The following RIC1 variants were observed in gnomAD, a reference collection of about 807,000 sequenced individuals.
RIC1 encodes the protein guanine nucleotide exchange factor subunit RIC1.
A neutral mutation model predicts 169.0 loss-of-function variants in RIC1; 88 were observed. That is an observed-to-expected ratio of 0.52 (90% confidence interval 0.44 to 0.62). The LOEUF is 0.62. Among genes scored for constraint, RIC1 ranks in the 20% least tolerant of loss-of-function variants. The pLI, the probability that RIC1 is intolerant of heterozygous loss-of-function variation, is 0.00. For missense variants in RIC1, 1,877 were observed against 1,725.5 expected (o/e 1.09, Z -1.56); for synonymous variants, 790 against 601.5 (o/e 1.31, Z -4.59).
At chr9:5,762,475 G>C (rs892604411) in intron 17 of RIC1, 66 bp from the exon 18 acceptor site, 3 of 1,575,018 alleles carry the variant, frequency 1.9e-6, no homozygotes, top group Non-Finnish European at 2.6e-6. Flanking sequence ...CTTATGGATT[G>C]GGGGGAGATG....
At chr9:5,718,497 A>C (rs138955610) in intron 4 of RIC1, among the ~76,000 whole-genome samples, 326 of 152,330 alleles carry the variant, frequency 2.1e-3, no homozygotes, top group African/African-American at 7.7e-3. Context: ...AAGCTAATCT[A>C]TAATCAGAGA....
At chr9:5,699,804 G>C (rs961698632) in intron 3 of RIC1, among the ~76,000 whole-genome samples, 2 of 152,096 alleles carry the variant, frequency 1.3e-5, no homozygotes, top group Non-Finnish European at 2.9e-5. Context: ...TTCATATACA[G>C]TATTAAAATT....
chr9:5,736,110 A>G (rs1420894662), intron 7 of RIC1, among the ~76,000 whole-genome samples: 1 of 152,248 alleles, frequency 6.6e-6, no homozygotes, highest in Non-Finnish European at 1.5e-5. Flanking sequence ...TCTTATATTT[A>G]AAACATGGAC....
intron 1 of RIC1, among the ~76,000 whole-genome samples, chr9:5,648,062 A>G (rs980734263): frequency 3.3e-5 from 5 of 150,258 alleles, no homozygotes; most frequent in Admixed American, 6.6e-5. Context: ...GGCTTACTGC[A>G]ACCGCCACCT....
At position 5,658,245 on chromosome 9, in the gene RIC1, T is replaced by C. The variant is rs1586893818; in HGVS notation, c.252+1555T>C. The stretch of plus-strand genomic sequence containing the variant: ...TATTGAATTAGATGGCAAAATATTG[T>C]ATTTATTATTCAATGGCACTATAGC... On this transcript the variant is annotated intron_variant, in intron 2 of 25. Coordinates refer to ENST00000414202, the MANE Select transcript of RIC1 (RefSeq NM_020829.4). Among the ~76,000 whole-genome samples, 6 of 152,290 alleles carry C rather than the reference T, an allele frequency of 3.9e-5. No homozygotes were observed. In the South Asian group the frequency reaches 1.2e-3, roughly 32 times the overall value.
intron 8 of RIC1, among the ~76,000 whole-genome samples, chr9:5,742,135 G>C (rs1563942326): frequency 6.6e-6 from 1 of 152,096 alleles, no homozygotes; most frequent in Non-Finnish European, 1.5e-5. Flanking sequence ...TTTCCTACAT[G>C]GCAGAGGCTT....
chr9:5,746,091 T>C lies in RIC1; in HGVS notation c.1248+8T>C. 1.9e-6 allele frequency: 3 copies of C among 1,597,726 alleles called. No homozygotes were observed. Among genetic ancestry groups the C allele is most frequent in the Non-Finnish European group, 2.6e-6 (3 of 1,168,428 alleles). ...ACTGTAAACCCTTGTATGGTAAGTA[T>C]ATTTAAAGCTCTGATTTTTTAGTGT... On this transcript the variant is annotated splice_region_variant and intron_variant, in intron 11 of 25. Transcript: ENST00000414202.
intron 7 of RIC1, among the ~76,000 whole-genome samples, chr9:5,733,239 C>G (rs1824480541): frequency 6.6e-6 from 1 of 151,090 alleles, no homozygotes; most frequent in Non-Finnish European, 1.5e-5. Flanking sequence ...GCCATATCAT[C>G]ACCACCCAAT....
At chr9:5,660,873 A>G (rs1020937897) in intron 2 of RIC1, among the ~76,000 whole-genome samples, 2 of 151,902 alleles carry the variant, frequency 1.3e-5, no homozygotes, top group Non-Finnish European at 2.9e-5. Context: ...CCATTTGTCA[A>G]TTTTTGCTTT....
intron 10 of RIC1, among the ~76,000 whole-genome samples, chr9:5,745,174 A>C (rs1338647687): frequency 6.6e-6 from 1 of 152,180 alleles, no homozygotes; most frequent in Non-Finnish European, 1.5e-5. Context: ...TAAGAATCTA[A>C]GCATTATTAG....
intron 15 of RIC1, 104 bp from the exon 16 acceptor site, chr9:5,756,104 TAAAA>T (rs370435478): frequency 2.7e-4 from 125 of 466,444 alleles, no homozygotes; most frequent in South Asian, 9.4e-4. Context: ...CTCCTGTTAC[TAAAA>T]AAAAAAAAAA....
intron 1 of RIC1, among the ~76,000 whole-genome samples, chr9:5,630,746 A>G (rs1455081299): frequency 6.6e-6 from 1 of 152,214 alleles, no homozygotes; most frequent in Non-Finnish European, 1.5e-5. Flanking sequence ...TTGAATATAT[A>G]TGTATGTATG....
At chr9:5,696,849 T>C (rs1227584079) in intron 3 of RIC1, among the ~76,000 whole-genome samples, 1 of 152,164 alleles carries the variant, frequency 6.6e-6, no homozygotes, top group South Asian at 2.1e-4. Context: ...GAAGGTTGTT[T>C]TGGGTGGCAG....
chr9:5,717,670 C>T (rs1481605199), intron 4 of RIC1, among the ~76,000 whole-genome samples: 1 of 151,982 alleles, frequency 6.6e-6, no homozygotes, highest in Admixed American at 6.5e-5. Context: ...CATGGTGAAA[C>T]CTTGTCTCTA....
intron 1 of RIC1, among the ~76,000 whole-genome samples, chr9:5,650,684 AC>A (rs1818756150): frequency 6.6e-6 from 1 of 151,990 alleles, no homozygotes; most frequent in Admixed American, 6.5e-5. Context: ...AGATGGGGTT[AC>A]TGTCAGTGGC....
intron 2 of RIC1, among the ~76,000 whole-genome samples, chr9:5,661,473 A>G (rs983698005): frequency 1.3e-5 from 2 of 152,170 alleles, no homozygotes; most frequent in African/African-American, 4.8e-5. Context: ...TGAACATGGA[A>G]TGTTTTTCCA....
intron 8 of RIC1, among the ~76,000 whole-genome samples, chr9:5,741,703 T>C (rs1239991337): frequency 4.6e-5 from 7 of 152,212 alleles, no homozygotes; most frequent in Non-Finnish European, 1.0e-4. Context: ...TTTATTTTCA[T>C]TGGCTATAAA....
intron 6 of RIC1, among the ~76,000 whole-genome samples, chr9:5,731,317 C>T (rs1824359604): frequency 6.6e-6 from 1 of 152,024 alleles, no homozygotes; most frequent in African/African-American, 2.4e-5. Context: ...ATGCTCACTG[C>T]TGTCTTTACC....
At chr9:5,671,883 C>T (rs1480593199) in intron 2 of RIC1, among the ~76,000 whole-genome samples, 1 of 152,164 alleles carries the variant, frequency 6.6e-6, no homozygotes, top group African/African-American at 2.4e-5. Flanking sequence ...TGAGATTTCA[C>T]AGTTCTCTAA....
Sources: gnomAD v4.1 joint callset for allele counts (sites outside exome capture counted in the v4.1 genomes callset) on GRCh38, gnomAD v4.1.1 for gene constraint, MANE v1.5 for transcripts, NCBI Gene and HGNC (gene_info 2026-07-23, HGNC 2026-07-21) for gene names.